DNAJC3: variants seen among roughly 807,000 people sequenced by gnomAD.
DNAJC3 encodes dnaJ homolog subfamily C member 3.
Under a neutral mutation model 68.6 loss-of-function variants are expected in DNAJC3, and 38 were observed. The observed-to-expected ratio is 0.55, with a 90% CI of 0.43 to 0.73. DNAJC3 has a LOEUF of 0.73. Among genes scored for constraint, DNAJC3 ranks in the 30% least tolerant of loss-of-function variants. DNAJC3 has a pLI of 0.00. For missense variants in DNAJC3, 526 were observed against 591.9 expected (o/e 0.89, Z 1.16); for synonymous variants, 203 against 204.0 (o/e 1.00, Z 0.04).
intron 1 of DNAJC3, among the ~76,000 whole-genome samples, chr13:95,706,643 T>C (rs977527376): frequency 2.0e-5 from 3 of 152,192 alleles, no homozygotes; most frequent in Middle Eastern, 3.2e-3. Flanking sequence ...CTCAGGTTTT[T>C]AAGCAGTGGA....
intron 4 of DNAJC3, among the ~76,000 whole-genome samples, chr13:95,747,903 G>A (rs1882352440): frequency 6.6e-6 from 1 of 152,164 alleles, no homozygotes; most frequent in Non-Finnish European, 1.5e-5. Flanking sequence ...CCCTGAGATA[G>A]TCCAGAGAAA....
intron 9 of DNAJC3, among the ~76,000 whole-genome samples, chr13:95,779,815 C>G (rs923404701): frequency 6.6e-6 from 1 of 152,194 alleles, no homozygotes; most frequent in East Asian, 1.9e-4. Context: ...GATGGCTATT[C>G]AGAAAATAGT....
At chr13:95,691,798 A>G (rs1880271094) in intron 1 of DNAJC3, among the ~76,000 whole-genome samples, 1 of 152,244 alleles carries the variant, frequency 6.6e-6, no homozygotes, top group African/African-American at 2.4e-5. Flanking sequence ...TCCCTCTGCA[A>G]TCCCGGCACC....
rs369673198 is a variant in DNAJC3, at chr13:95,791,988, C to CTGTT, written c.*960_*963dup. On this transcript the variant is annotated 3_prime_UTR_variant, in exon 12 of 12. Coordinates refer to ENST00000602402, the MANE Select transcript of DNAJC3 (RefSeq NM_006260.5). ...TCTAAGTAAAGACAGTGGGCAGCTTCTGTTTCTCCTTCTATCAAGGCTTCA... is the reference window on the plus strand; with the variant it reads ...TCTAAGTAAAGACAGTGGGCAGCTTCTGTTTGTTTCTCCTTCTATCAAGGCTTCA... 5 of 152,338 alleles carry CTGTT rather than the reference C, an allele frequency of 3.3e-5. No homozygotes were observed. Among genetic ancestry groups the CTGTT allele is most frequent in the African/African-American group, 1.2e-4 (5 of 41,572 alleles). The allele number at this position is 152,338 out of a possible 1,614,324, so 9.4% of individuals were successfully genotyped here.
rs567172354 is a variant in DNAJC3, at chr13:95,688,968, G to A, written c.82+11631G>A. ...TGTGTGTGTGTGTGTGTGTGTGTGC[G>A]CGCTGTTGGATTTAGTTTGCTAGTA... On this transcript the variant is annotated intron_variant, in intron 1 of 11. Coordinates refer to ENST00000602402, the MANE Select transcript of DNAJC3 (RefSeq NM_006260.5). 9.0e-3 allele frequency among the ~76,000 whole-genome samples: 1,346 copies of A among 150,018 alleles called. 22 individuals are homozygous for A. The highest frequency in any genetic ancestry group is 0.031 in the African/African-American group (1,252 of 40,700).
chr13:95,677,562 T>G (rs1023638349), intron 1 of DNAJC3, among the ~76,000 whole-genome samples: 1 of 152,110 alleles, frequency 6.6e-6, no homozygotes, highest in African/African-American at 2.4e-5. Context: ...GGGTTTGGAC[T>G]AAGGAACCGG....
intron 1 of DNAJC3, among the ~76,000 whole-genome samples, chr13:95,706,056 A>G (rs983492786): frequency 1.7e-4 from 26 of 151,798 alleles, no homozygotes; most frequent in African/African-American, 6.1e-4. Flanking sequence ...TAATTAAATT[A>G]AACTTCAAGT....
chr13:95,689,635 T>G (rs567321118), intron 1 of DNAJC3, among the ~76,000 whole-genome samples: 1 of 152,146 alleles, frequency 6.6e-6, no homozygotes, highest in East Asian at 1.9e-4. Context: ...TTCTCCCAGC[T>G]AGTTTTGGGT....
intron 9 of DNAJC3, among the ~76,000 whole-genome samples, chr13:95,781,797 ATG>A (rs1055271988): frequency 2.6e-5 from 4 of 150,990 alleles, no homozygotes; most frequent in East Asian, 1.9e-4. Context: ...TAAACATTGG[ATG>A]TGTGTGTGTG....
intron 1 of DNAJC3, among the ~76,000 whole-genome samples, chr13:95,696,197 A>G (rs1880435945): frequency 6.6e-6 from 1 of 152,188 alleles, no homozygotes; most frequent in African/African-American, 2.4e-5. Flanking sequence ...ACGTTCATTC[A>G]CTGACGTAGT....
At chr13:95,681,011 A>G (rs780783894) in intron 1 of DNAJC3, among the ~76,000 whole-genome samples, 45 of 152,250 alleles carry the variant, frequency 3.0e-4, no homozygotes, top group Admixed American at 2.9e-3. Context: ...GGCTTTTACT[A>G]ACTATATTGC....
chr13:95,725,147 C>A (rs367636208), intron 3 of DNAJC3, 31 bp from the exon 4 acceptor site: 9 of 1,443,622 alleles, frequency 6.2e-6, no homozygotes, highest in Non-Finnish European at 8.4e-6. Context: ...CTATAATATT[C>A]AAGATAATCC....
chr13:95,722,626 AAATT>A (rs1328807007), intron 2 of DNAJC3, among the ~76,000 whole-genome samples: 11 of 150,914 alleles, frequency 7.3e-5, no homozygotes, highest in Admixed American at 6.6e-5. Flanking sequence ...AAAAAAAAAA[AAATT>A]AGCCAGCCGT....
intron 4 of DNAJC3, among the ~76,000 whole-genome samples, chr13:95,739,152 C>T (rs550754492): frequency 6.6e-6 from 1 of 152,190 alleles, no homozygotes; most frequent in African/African-American, 2.4e-5. Context: ...AATATTGGCC[C>T]CCACTCTCTT....
chr13:95,750,224 G>A (rs532852144), intron 4 of DNAJC3, among the ~76,000 whole-genome samples: 8 of 144,466 alleles, frequency 5.5e-5, no homozygotes, highest in African/African-American at 2.1e-4. Context: ...TCAATAAATG[G>A]CTGCACTCCA....
In DNAJC3 at chr13:95,794,943, C is replaced by T. The variant is rs1198581536; in HGVS notation, c.*3913C>T. ...ACAAATATGGGTACTATTTTTATGC[C>T]CGTGTATTTTCACATTTAATAAAAA... On this transcript the variant is annotated 3_prime_UTR_variant, in exon 12 of 12. Transcript: ENST00000602402. 1 of 152,050 alleles carries T rather than the reference C, an allele frequency of 6.6e-6. No homozygotes were observed. Among genetic ancestry groups the T allele is most frequent in the Non-Finnish European group, 1.5e-5 (1 of 68,030 alleles). 9.4% of individuals were successfully genotyped at this position (152,050 alleles called of 1,614,324 possible). A position where few individuals can be genotyped will look rare whatever the true frequency, so the allele number is the denominator to read the frequency against.
At chr13:95,790,807 A>T in intron 11 of DNAJC3, 66 bp from the exon 12 acceptor site, 2 of 1,521,140 alleles carry the variant, frequency 1.3e-6, no homozygotes, top group Non-Finnish European at 8.9e-7. Context: ...CTGCCCAAAG[A>T]AAACATTCCC....
intron 1 of DNAJC3, among the ~76,000 whole-genome samples, chr13:95,678,607 A>C (rs188039570): frequency 6.6e-6 from 1 of 152,278 alleles, no homozygotes; most frequent in East Asian, 1.9e-4. Context: ...CATTTTCAAA[A>C]GCTTCATTCC....
intron 9 of DNAJC3, among the ~76,000 whole-genome samples, chr13:95,772,840 T>G (rs1481820898): frequency 6.6e-6 from 1 of 152,240 alleles, no homozygotes; most frequent in African/African-American, 2.4e-5. Flanking sequence ...GGATAAACTC[T>G]TCTTGGACAG....
Sources: allele counts gnomAD v4.1 joint callset (sites outside exome capture counted in the v4.1 genomes callset), GRCh38; gene constraint gnomAD v4.1.1; transcripts MANE v1.5; gene names NCBI Gene and HGNC (gene_info 2026-07-23, HGNC 2026-07-21).